ATPAF1: variants seen among roughly 807,000 people sequenced by gnomAD.
ATPAF1 encodes the protein ATP synthase mitochondrial F1 complex assembly factor 1, also known as homolog of yeast ATP11.
A neutral mutation model predicts 43.9 loss-of-function variants in ATPAF1; 26 were observed. That is an observed-to-expected ratio of 0.59 (90% CI 0.43 to 0.82). The LOEUF (loss-of-function observed/expected upper bound fraction) is 0.82. Ranked by LOEUF, ATPAF1 falls within the 40% of genes least tolerant of loss-of-function variation. The pLI is 0.00. For missense variants in ATPAF1, 366 were observed against 435.0 expected, an observed-to-expected ratio of 0.84 and a Z score of 1.41; for synonymous variants, 157 against 168.0, an observed-to-expected ratio of 0.93 and a Z score of 0.50.
At chr1:46,646,097 C>T (rs1676040884) in intron 6 of ATPAF1, among the ~76,000 whole-genome samples, 1 of 152,176 alleles carries the variant, frequency 6.6e-6, no homozygotes, top group South Asian at 2.1e-4. Context: ...ACTGATTGAG[C>T]CCAGGAGTTT....
exon 9 of ATPAF1, chr1:46,635,814 C>T (rs1675826713): frequency 1.9e-6 from 3 of 1,614,062 alleles, no homozygotes; most frequent in Non-Finnish European, 1.7e-6. Flanking sequence ...TTCAGTTCTG[C>T]TCCAAGTCCG....
intron 4 of ATPAF1, among the ~76,000 whole-genome samples, chr1:46,655,559 G>T (rs751256330): frequency 3.3e-5 from 5 of 152,154 alleles, no homozygotes; most frequent in African/African-American, 4.8e-5. Flanking sequence ...TTTCTAGCAT[G>T]TCTTTTATAG....
intron 2 of ATPAF1, 157 bp downstream of exon 2, chr1:46,665,099 G>C (rs1174835344): frequency 2.9e-6 from 2 of 678,176 alleles, no homozygotes; most frequent in Non-Finnish European, 5.1e-6. Flanking sequence ...CCTAGAAAGA[G>C]CAGGATAAAC....
intron 3 of ATPAF1, 22 bp downstream of exon 3, chr1:46,658,665 C>A (rs1330658271): frequency 6.4e-7 from 1 of 1,569,142 alleles, no homozygotes. Flanking sequence ...GCTTTTTTTC[C>A]TATATTTAAT....
rs74075113 is a variant in ATPAF1 at position 46,665,534 on chromosome 1, A to G, written c.267-170T>C. On this transcript the variant is annotated intron_variant, in intron 1 of 8. Transcript: ENST00000574428. ...ACAGGCCTAGAAATAAAGAAACTGG[A>G]AAAAGAAATCCTGTTATTCAACTGT... 1,404 of 1,225,976 alleles carry G rather than the reference A, an allele frequency of 1.1e-3. 9 individuals carry two copies. In the African/African-American group the frequency reaches 0.019, roughly 17 times the overall value. The allele number at this position is 1,225,976 out of a possible 1,614,324, so 75.9% of individuals were successfully genotyped here.
At chr1:46,643,579 A>G (rs1273237) in intron 7 of ATPAF1, among the ~76,000 whole-genome samples, 133,514 of 152,286 alleles carry the variant, frequency 0.88, 60,291 homozygotes, top group Non-Finnish European at 0.99. Context: ...GTGACCATAC[A>G]TTTAAAAACA....
At chr1:46,645,245 A>C in exon 7 of ATPAF1, 2 of 1,612,898 alleles carry the variant, frequency 1.2e-6, no homozygotes, top group Non-Finnish European at 1.7e-6. Flanking sequence ...TTCTTGGCAG[A>C]GCACATAGAA....
chr1:46,634,717 C>T (rs757689801), downstream of ATPAF1: 3 of 152,456 alleles, frequency 2.0e-5, no homozygotes, highest in Admixed American at 1.3e-4. Context: ...CCGTCCTTTC[C>T]TATCACTGAG....
rs1322657928 is a variant in ATPAF1, at chr1:46,658,751, G to A, written c.376-14C>T. 3.2e-6 allele frequency: 5 copies of A among 1,569,844 alleles called. No homozygotes were observed. The highest frequency in any genetic ancestry group is 4.3e-6 in the Non-Finnish European group (5 of 1,154,966). On this transcript the variant is annotated splice_polypyrimidine_tract_variant and intron_variant, in intron 2 of 8. Coordinates refer to ENST00000574428, the Ensembl canonical transcript of ATPAF1. ...CAAGGCATCTGTCTGAAATATATAAGACAAGATATTAATCTACACTTTACT... is the reference window on the plus strand; with the variant it reads ...CAAGGCATCTGTCTGAAATATATAAAACAAGATATTAATCTACACTTTACT...
chr1:46,663,081 C>T (rs901582699), intron 2 of ATPAF1, among the ~76,000 whole-genome samples: 7 of 152,194 alleles, frequency 4.6e-5, no homozygotes, highest in Non-Finnish European at 1.5e-5. Context: ...TGGTTTCCAG[C>T]TTCATCCATG....
intron 1 of ATPAF1, 92 bp downstream of exon 1, chr1:46,667,965 G>C: frequency 1.9e-6 from 2 of 1,040,890 alleles, no homozygotes; most frequent in Non-Finnish European, 2.5e-6. Flanking sequence ...GACAGTACTA[G>C]TGCCCACCTC....
At chr1:46,649,375 G>A (rs1023356646) in intron 6 of ATPAF1, among the ~76,000 whole-genome samples, 8 of 152,024 alleles carry the variant, frequency 5.3e-5, no homozygotes, top group Non-Finnish European at 1.2e-4. Flanking sequence ...ACTCTACTCT[G>A]TTCCATTAAT....
Position 46,668,107 on chromosome 1 carries a change from C to T in ATPAF1, c.216G>A (p.Gln72=). The T allele has an allele frequency of 6.9e-7, 1 of 1,450,290 alleles. No homozygotes were observed. Among genetic ancestry groups the T allele is most frequent in the Non-Finnish European group, 9.1e-7 (1 of 1,099,548 alleles). 89.8% of individuals were successfully genotyped at this position (1,450,290 alleles called of 1,614,324 possible). Residue 72 remains glutamine (Q), a synonymous_variant, in exon 1 of 9, where the codon CAG becomes CAA. Transcript: ENST00000574428. The surrounding 1 kb of genome is among the most constrained non-coding windows in gnomAD (Gnocchi z 4.4). The stretch of plus-strand genomic sequence containing the variant: ...GGTAGCGGTCGTAGAAAGGGTTGGC[C>T]TGGAGCTCGGCCTCGGCCCCGACCC...
rs532515366 is a variant in ATPAF1, at chr1:46,644,679, A to G, written c.684+482T>C. On this transcript the variant is annotated intron_variant, in intron 7 of 8. Transcript: ENST00000574428. ...TTTGAATCTAACTTTTAAATATAAT[A>G]TTTAAAAGTTAATATTGTTTTATTG... Among the ~76,000 whole-genome samples, 11 of 152,276 alleles carry G rather than the reference A, an allele frequency of 7.2e-5. No homozygotes were observed. In the East Asian group the frequency reaches 2.1e-3, roughly 29 times the overall value.
chr1:46,655,236 T>G (rs1467203233), intron 4 of ATPAF1, among the ~76,000 whole-genome samples: 1 of 151,980 alleles, frequency 6.6e-6, no homozygotes, highest in Non-Finnish European at 1.5e-5. Context: ...GAGATTTGGG[T>G]GGGGACACAG....
At chr1:46,663,814 A>G (rs1021794317) in intron 2 of ATPAF1, 14 of 1,171,394 alleles carry the variant, frequency 1.2e-5, no homozygotes, top group Middle Eastern at 2.4e-4. Flanking sequence ...GTAGAATCCC[A>G]ATTTTCTACT....
intron 6 of ATPAF1, 25 bp downstream of exon 6, chr1:46,652,556 C>A (rs1346727527): frequency 3.1e-6 from 5 of 1,608,884 alleles, no homozygotes; most frequent in Non-Finnish European, 4.3e-6. Flanking sequence ...GATAAGCAAC[C>A]CTTACGTGAT....
Position 46,668,226 on chromosome 1 carries a change from C to A in ATPAF1, c.97G>T (p.Ala33Ser). The A allele has an allele frequency of 5.1e-6, 7 of 1,367,962 alleles. No individual in the cohort carries two copies. Among genetic ancestry groups the A allele is most frequent in the Non-Finnish European group, 6.6e-6 (7 of 1,060,206 alleles). 84.7% of individuals were successfully genotyped at this position (1,367,962 alleles called of 1,614,324 possible). The stretch of plus-strand genomic sequence containing the variant: ...GGTGACACGAGCCCCAGGCCCAGGG[C>A]GCGGCTGCGCACCGCGCACAGGCCC... Residue 33 changes from alanine to serine, a missense_variant, in exon 1 of 9, where the codon GCC becomes TCC. Ala to Ser is a moderately conservative substitution (Grantham distance 99). Around this residue, in one of 2 missense-constraint regions of ATPAF1, gnomAD observed 186 missense variants for 168.5 expected, o/e 1.10. Transcript: ENST00000574428. The surrounding 1 kb of genome is among the most constrained non-coding windows in gnomAD (Gnocchi z 4.4).
rs556831859 is a variant in ATPAF1, at chr1:46,668,050, C to T, written c.266+7G>A. On this transcript the variant is annotated splice_region_variant and intron_variant, in intron 1 of 8. Coordinates refer to ENST00000574428, the Ensembl canonical transcript of ATPAF1. This position sits in a 1 kb window ranked among gnomAD's most constrained non-coding sequence, Gnocchi z 4.4. ...CCTGCCCGCCTCCAGCCAACCCAGG[C>T]CCGCACCTGCGCAGCAGCTGGATCT... is the stretch of plus-strand genomic sequence containing the variant. The T allele has an allele frequency of 1.2e-4, 166 of 1,396,548 alleles. No homozygotes were observed. The African/African-American group carries it at 2.2e-3, about 19-fold the overall frequency. The allele number at this position is 1,396,548 out of a possible 1,614,324, so 86.5% of individuals were successfully genotyped here. A position where few individuals can be genotyped will look rare whatever the true frequency, so the allele number is the denominator to read the frequency against.
Sources: allele counts gnomAD v4.1 joint callset (sites outside exome capture counted in the v4.1 genomes callset), GRCh38; gene constraint gnomAD v4.1.1; regional missense constraint gnomAD v4.1.1; non-coding constraint Gnocchi (gnomAD v3.1); transcripts MANE v1.5; gene names NCBI Gene and HGNC (gene_info 2026-07-23, HGNC 2026-07-21).